Variants in KCTD16 observed in about 807,000 individuals in gnomAD.
The protein encoded by KCTD16 is potassium channel tetramerization domain containing 16.
In KCTD16, 13 loss-of-function variants were observed where a neutral mutation model predicts 33.2. That is an observed-to-expected ratio of 0.39 (90% CI 0.25 to 0.62). KCTD16 has a LOEUF of 0.62. KCTD16 is among the 20% of genes least tolerant of loss of function. The pLI is 0.50. For missense variants in KCTD16, 441 were observed against 525.1 expected, an observed-to-expected ratio of 0.84 and a Z score of 1.57; for synonymous variants, 197 against 195.3, an observed-to-expected ratio of 1.01 and a Z score of -0.07.
At chr5:144,363,753 C>T (rs1292028954) in intron 3 of KCTD16, among the ~76,000 whole-genome samples, 1 of 152,124 alleles carries the variant, frequency 6.6e-6, no homozygotes, top group Non-Finnish European at 1.5e-5. Context: ...GGATCTGTGT[C>T]CCCAGTGTGA....
At position 144,425,013 on chromosome 5, in the gene KCTD16, A is replaced by C. The variant is rs144627797; in HGVS notation, c.833-48647A>C. ...TCTTAACTCATTCAAGCATCAACTC[A>C]CAAGTCCAAAGTCCAGAGTCTCATC... On this transcript the variant is annotated intron_variant, in intron 3 of 3. Transcript: ENST00000512467. Among the ~76,000 whole-genome samples the C allele has an allele frequency of 6.2e-4, 95 of 152,188 alleles. No individual in the cohort carries two copies. In the East Asian group the frequency reaches 0.011, roughly 18 times the overall value.
At chr5:144,429,151 A>G (rs1004418756) in intron 3 of KCTD16, among the ~76,000 whole-genome samples, 20 of 152,146 alleles carry the variant, frequency 1.3e-4, no homozygotes, top group Admixed American at 1.2e-3. Context: ...AGTGGAACAG[A>G]TTGATTTTGA....
At chr5:144,331,073 A>T (rs372512856) in intron 3 of KCTD16, among the ~76,000 whole-genome samples, 3 of 152,362 alleles carry the variant, frequency 2.0e-5, no homozygotes, top group South Asian at 4.1e-4. Context: ...GAGAAAAGCC[A>T]TTCCAGGAAG....
At chr5:144,276,628 G>C (rs1755444352) in intron 3 of KCTD16, among the ~76,000 whole-genome samples, 1 of 152,156 alleles carries the variant, frequency 6.6e-6, no homozygotes, top group Non-Finnish European at 1.5e-5. Flanking sequence ...ATCTCGCCGG[G>C]CACGATGGCT....
At chr5:144,229,321 C>G (rs545184811) in intron 3 of KCTD16, among the ~76,000 whole-genome samples, 156 of 152,204 alleles carry the variant, frequency 1.0e-3, no homozygotes, top group Middle Eastern at 3.4e-3. Flanking sequence ...GATTGAAGAT[C>G]TCTCTGGGGT....
rs555423186 is a variant in KCTD16, at chr5:144,368,879, C to T, written c.833-104781C>T. On this transcript the variant is annotated intron_variant, in intron 3 of 3. Coordinates refer to ENST00000512467, the MANE Select transcript of KCTD16 (RefSeq NM_020768.4). ...AAAGGAGGAAATCAAGGCTCAGATA[C>T]GCTAATTCGTTCAAAATAATAGAGT... Among the ~76,000 whole-genome samples the T allele has an allele frequency of 7.2e-5, 11 of 152,270 alleles. No homozygotes were observed. In the South Asian group the frequency reaches 8.3e-4, roughly 11 times the overall value.
intron 3 of KCTD16, among the ~76,000 whole-genome samples, chr5:144,421,670 A>G (rs1580951819): frequency 6.6e-6 from 1 of 152,236 alleles, no homozygotes; most frequent in East Asian, 1.9e-4. Context: ...AGACGTTACA[A>G]TTACTCCAGC....
chr5:144,338,009 A>G (rs1752534915), intron 3 of KCTD16, among the ~76,000 whole-genome samples: 1 of 152,202 alleles, frequency 6.6e-6, no homozygotes, highest in South Asian at 2.1e-4. Flanking sequence ...AACAATAAAA[A>G]CATAGCTATT....
At chr5:144,219,552 G>A (rs766430545) in intron 3 of KCTD16, among the ~76,000 whole-genome samples, 1 of 124,464 alleles carries the variant, frequency 8.0e-6, no homozygotes, top group Non-Finnish European at 1.6e-5. Flanking sequence ...ACGGAGTCTC[G>A]CTCTGTCTCG....
intron 3 of KCTD16, among the ~76,000 whole-genome samples, chr5:144,244,452 G>T (rs1754492349): frequency 6.6e-6 from 1 of 152,142 alleles, no homozygotes; most frequent in Non-Finnish European, 1.5e-5. Context: ...GCAGTAGAAA[G>T]AATAATCACA....
intron 3 of KCTD16, among the ~76,000 whole-genome samples, chr5:144,350,421 TATTAA>T (rs1447812909): frequency 2.0e-5 from 3 of 152,206 alleles, no homozygotes; most frequent in Non-Finnish European, 4.4e-5. Flanking sequence ...ATAATTTCAA[TATTAA>T]ATTATAAAGC....
intron 3 of KCTD16, among the ~76,000 whole-genome samples, chr5:144,426,927 A>G (rs1042961263): frequency 7.2e-5 from 11 of 152,160 alleles, no homozygotes; most frequent in African/African-American, 9.7e-5. Flanking sequence ...AAATTTCAAC[A>G]TGAGTTTTGG....
At chr5:144,368,204 A>G (rs1409540289) in intron 3 of KCTD16, among the ~76,000 whole-genome samples, 4 of 152,154 alleles carry the variant, frequency 2.6e-5, no homozygotes, top group Non-Finnish European at 4.4e-5. Context: ...ACTCATAAAT[A>G]TGTTACATTA....
chr5:144,341,063 A>T lies in KCTD16; in HGVS notation c.833-132597A>T, dbSNP rs141400322. Among the ~76,000 whole-genome samples the T allele has an allele frequency of 4.2e-3, 643 of 152,260 alleles. 3 individuals are homozygous for T. Among genetic ancestry groups the T allele is most frequent in the African/African-American group, 0.014 (597 of 41,546 alleles). On this transcript the variant is annotated intron_variant, in intron 3 of 3. Transcript: ENST00000512467. The stretch of plus-strand genomic sequence containing the variant: ...TCTGTCTCAAAAAAACAAACAAAAA[A>T]ACAAAAAACAAAAAAACTGAATCTG...
At chr5:144,426,460 G>A (rs190812228) in intron 3 of KCTD16, among the ~76,000 whole-genome samples, 86 of 152,136 alleles carry the variant, frequency 5.7e-4, no homozygotes, top group African/African-American at 2.0e-3. Flanking sequence ...TTTCTAGCCT[G>A]CTCTCTAAAA....
chr5:144,447,531 A>G (rs1350636617), intron 3 of KCTD16, among the ~76,000 whole-genome samples: 1 of 152,084 alleles, frequency 6.6e-6, no homozygotes, highest in Non-Finnish European at 1.5e-5. Flanking sequence ...CGTTCCACAC[A>G]TGTATCCCAG....
At chr5:144,426,570 T>A (rs917457437) in intron 3 of KCTD16, among the ~76,000 whole-genome samples, 1 of 152,118 alleles carries the variant, frequency 6.6e-6, no homozygotes, top group African/African-American at 2.4e-5. Flanking sequence ...ACTACCAATT[T>A]TCTGGCTTAG....
intron 3 of KCTD16, among the ~76,000 whole-genome samples, chr5:144,259,566 C>A (rs909261187): frequency 6.6e-6 from 1 of 152,142 alleles, no homozygotes; most frequent in Non-Finnish European, 1.5e-5. Flanking sequence ...TGTACTCAGA[C>A]GAGTGGCTAA....
At chr5:144,234,801 T>C (rs1467655976) in intron 3 of KCTD16, among the ~76,000 whole-genome samples, 2 of 152,026 alleles carry the variant, frequency 1.3e-5, no homozygotes, top group Non-Finnish European at 2.9e-5. Flanking sequence ...GTTATACATA[T>C]ATATGCATAT....
Sources: gnomAD v4.1 joint callset for allele counts (sites outside exome capture counted in the v4.1 genomes callset) on GRCh38, gnomAD v4.1.1 for gene constraint, MANE v1.5 for transcripts, NCBI Gene and HGNC (gene_info 2026-07-23, HGNC 2026-07-21) for gene names.